The following ARHGAP11A variants were observed in gnomAD, a reference collection of about 807,000 sequenced individuals.
The protein encoded by ARHGAP11A is rho GTPase-activating protein 11A.
ARHGAP11A carries 36 observed loss-of-function variants against 60.5 expected under a neutral mutation model. The ratio of observed to expected loss-of-function variants is 0.59; its 90% confidence interval spans 0.46 to 0.79. The LOEUF is 0.79. Ranked by LOEUF, ARHGAP11A falls within the 30% of genes least tolerant of loss-of-function variation. The pLI is 0.00. For missense variants in ARHGAP11A, 1,071 were observed against 1,199.2 expected (o/e 0.89, Z 1.58); for synonymous variants, 362 against 415.5 (o/e 0.87, Z 1.57).
At chr15:32,621,987 C>T (rs555139013) in intron 2 of ARHGAP11A, among the ~76,000 whole-genome samples, 12 of 152,428 alleles carry the variant, frequency 7.9e-5, no homozygotes, top group Admixed American at 5.2e-4. Context: ...AATTATCGAA[C>T]ACCTGGTTGC....
chr15:32,623,760 A>G (rs186877492), intron 3 of ARHGAP11A, among the ~76,000 whole-genome samples, 172 bp downstream of exon 3: 1 of 152,074 alleles, frequency 6.6e-6, no homozygotes, highest in Non-Finnish European at 1.5e-5. Flanking sequence ...TATTTCTATC[A>G]TGCTTTAAAA....
intron 1 of ARHGAP11A, among the ~76,000 whole-genome samples, chr15:32,617,417 G>A (rs896912433): frequency 1.0e-4 from 15 of 148,234 alleles, no homozygotes; most frequent in African/African-American, 3.2e-4. Flanking sequence ...GATTTTGTAA[G>A]TATATGGAAG....
intron 4 of ARHGAP11A, 68 bp from the exon 5 acceptor site, chr15:32,625,012 A>G (rs1403877027): frequency 1.9e-6 from 3 of 1,539,410 alleles, no homozygotes; most frequent in East Asian, 4.5e-5. Context: ...AATGTACTAC[A>G]TACGTTATTT....
At position 32,629,596 on chromosome 15, in the gene ARHGAP11A, C is replaced by T; in HGVS notation, c.939C>T (p.Ala313=). 4 of 1,596,528 alleles carry T rather than the reference C, an allele frequency of 2.5e-6. No homozygotes were observed. The highest frequency in any genetic ancestry group is 3.4e-6 in the Non-Finnish European group (4 of 1,172,358). Residue 313 remains alanine, a splice_region_variant and synonymous_variant, in exon 8 of 12, where the codon GCC becomes GCT. Transcript: ENST00000361627. ...GGTTTTGTTTTGATATTTTTTCAGC[C>T]CAGCTATCTGAATCACCAGTGATTC... ...PSITPQEERI[A]QLSESPVILT...
At chr15:32,627,452 G>A (rs561796307) in intron 6 of ARHGAP11A, among the ~76,000 whole-genome samples, 26 of 152,102 alleles carry the variant, frequency 1.7e-4, no homozygotes, top group Non-Finnish European at 3.4e-4. Flanking sequence ...CTTCTTGGCC[G>A]GGCGCGATGG....
intron 4 of ARHGAP11A, among the ~76,000 whole-genome samples, 165 bp downstream of exon 4, chr15:32,624,591 A>G (rs1238284916): frequency 6.6e-6 from 1 of 152,256 alleles, no homozygotes; most frequent in Non-Finnish European, 1.5e-5. Flanking sequence ...AGCATACCAA[A>G]TGATTTAATA....
At chr15:32,632,945 A>G in intron 8 of ARHGAP11A, 34 bp from the exon 9 acceptor site, 1 of 1,560,652 alleles carries the variant, frequency 6.4e-7, no homozygotes, top group Non-Finnish European at 8.7e-7. Context: ...GAAAATAGAT[A>G]TGTGTGGTAT....
rs749699410 is a variant in ARHGAP11A, at chr15:32,637,143, A to G, written c.2370A>G (p.Thr790=). 1.2e-6 allele frequency: 2 copies of G among 1,612,990 alleles called. No individual in the cohort carries two copies. The highest frequency in any genetic ancestry group is 2.2e-5 in the East Asian group (1 of 44,884). The change falls in exon 12 of 12, where the codon ACA becomes ACG. Residue 790 remains threonine, a synonymous_variant. Coordinates refer to ENST00000361627, the MANE Select transcript of ARHGAP11A (RefSeq NM_014783.6). ...MRIAKQQSLE[T]CEKTVSESSQ... ...TTGCTAAACAGCAGTCATTGGAAAC[A>G]TGTGAGAAAACAGTTTCTGAAAGTT...
intron 4 of ARHGAP11A, 116 bp downstream of exon 4, chr15:32,624,542 A>G: frequency 1.4e-6 from 2 of 1,443,892 alleles, no homozygotes; most frequent in South Asian, 1.4e-5. Context: ...AAAATTCCAT[A>G]TTTCATTACT....
At chr15:32,622,900 G>C (rs1227772557) in intron 2 of ARHGAP11A, among the ~76,000 whole-genome samples, 1 of 152,192 alleles carries the variant, frequency 6.6e-6, no homozygotes. Flanking sequence ...AGAGCCCTGG[G>C]TTGTTCCAGC....
intron 9 of ARHGAP11A, among the ~76,000 whole-genome samples, chr15:32,633,395 C>A (rs1269406053): frequency 2.0e-5 from 3 of 152,046 alleles, no homozygotes; most frequent in Non-Finnish European, 4.4e-5. Flanking sequence ...AATCCTAGCA[C>A]TTAGGGAGGC....
Position 32,635,803 on chromosome 15 carries a change from T to A in ARHGAP11A, c.1371T>A (p.Tyr457Ter). ...ATGGATGTTCTGGTGTCAATAGATA[T>A]GAAAGTGTTGGTTGGCGACTTGCAA... ...EVNGCSGVNR[Y>*]ESVGWRLANQ... Residue 457 changes from tyrosine (Y) to a stop codon, truncating the protein, a stop_gained, in exon 11 of 12, where the codon TAT (tyrosine) becomes TAA (stop). Coordinates refer to ENST00000361627, the MANE Select transcript of ARHGAP11A (RefSeq NM_014783.6). LOFTEE classifies it high-confidence loss of function. 1 of 1,610,224 alleles carries A rather than the reference T, an allele frequency of 6.2e-7. No individual in the cohort carries two copies. Among genetic ancestry groups the A allele is most frequent in the Non-Finnish European group, 8.5e-7 (1 of 1,178,822 alleles).
At chr15:32,616,600 G>T (rs2053156406) in intron 1 of ARHGAP11A, among the ~76,000 whole-genome samples, 1 of 152,104 alleles carries the variant, frequency 6.6e-6, no homozygotes, top group Admixed American at 6.5e-5. Context: ...GATAATTTTT[G>T]TTAGGGGAAG....
intron 6 of ARHGAP11A, among the ~76,000 whole-genome samples, chr15:32,625,913 A>T (rs2053447451): frequency 6.6e-6 from 1 of 152,196 alleles, no homozygotes; most frequent in African/African-American, 2.4e-5. Flanking sequence ...CTTCTTGAAT[A>T]ATGGATAGAA....
At chr15:32,634,684 A>T (rs1223001924) in intron 10 of ARHGAP11A, among the ~76,000 whole-genome samples, 1 of 152,216 alleles carries the variant, frequency 6.6e-6, no homozygotes, top group Non-Finnish European at 1.5e-5. Context: ...TGCTGCTGCT[A>T]TGCCCTGCAC....
chr15:32,616,580 T>C (rs1287499978), intron 1 of ARHGAP11A, among the ~76,000 whole-genome samples: 1 of 152,172 alleles, frequency 6.6e-6, no homozygotes, highest in East Asian at 1.9e-4. Context: ...ACTATTGACA[T>C]TTTGGATTAG....
rs772151113 is a variant in ARHGAP11A at position 32,636,718 on chromosome 15, T to C, written c.1945T>C (p.Leu649=). 6.2e-7 allele frequency: 1 copy of C among 1,613,856 alleles called. No homozygotes were observed. The highest frequency in any genetic ancestry group is 1.7e-5 in the Admixed American group (1 of 59,980). Residue 649 remains leucine (L), a synonymous_variant, in exon 12 of 12, where the codon TTG becomes CTG. Transcript: ENST00000361627. ...PEENLFETND[L]TIVESKEKYE... ...GGAAAATCTATTTGAAACTAATGAT[T>C]TGACTATAGTAGAATCAAAGGAGAA... is the stretch of plus-strand genomic sequence containing the variant.
In ARHGAP11A at chr15:32,620,182, A is replaced by G. The variant is rs1319799142; in HGVS notation, c.200+4A>G. The G allele has an allele frequency of 6.2e-7, 1 of 1,605,432 alleles. No individual in the cohort carries two copies. The highest frequency in any genetic ancestry group is 8.5e-7 in the Non-Finnish European group (1 of 1,177,070). ...CAGAATATGGACACATTCCAAGGTA[A>G]GCAGAGTTTGAAATGAAGAAGGCCG... is the stretch of plus-strand genomic sequence containing the variant. On this transcript the variant is annotated splice_donor_region_variant and intron_variant, in intron 2 of 11. Transcript: ENST00000361627.
chr15:32,623,367 G>A, intron 2 of ARHGAP11A, 125 bp from the exon 3 acceptor site: 2 of 776,190 alleles, frequency 2.6e-6, no homozygotes, highest in Non-Finnish European at 3.9e-6. Flanking sequence ...TCATCTCAAA[G>A]ACTACAGAGA....
Sources: gnomAD v4.1 joint callset for allele counts (sites outside exome capture counted in the v4.1 genomes callset) on GRCh38, gnomAD v4.1.1 for gene constraint, MANE v1.5 for transcripts, NCBI Gene and HGNC (gene_info 2026-07-23, HGNC 2026-07-21) for gene names.